LGSN: variants seen among roughly 807,000 people sequenced by gnomAD.
The protein encoded by LGSN is lengsin, lens protein with glutamine synthetase domain, also known as lengsin.
A neutral mutation model predicts 19.5 loss-of-function variants in LGSN; 21 were observed. That is an observed-to-expected ratio of 1.07 (90% CI 0.76 to 1.55). LGSN has a LOEUF of 1.55. Among genes scored for constraint, LGSN ranks in the 40% most tolerant of loss-of-function variants. The pLI, the probability that LGSN is intolerant of heterozygous loss-of-function variation, is 0.00. For synonymous variants in LGSN, 257 were observed against 215.6 expected (o/e 1.19, Z -1.68); for missense variants, 673 against 608.5 (o/e 1.11, Z -1.12).
At chr6:63,295,661 G>T (rs937734510) in intron 1 of LGSN, among the ~76,000 whole-genome samples, 14 of 152,104 alleles carry the variant, frequency 9.2e-5, no homozygotes, top group African/African-American at 3.4e-4. Context: ...CTAAGGAAAT[G>T]CATTCAAAAC....
intron 1 of LGSN, among the ~76,000 whole-genome samples, chr6:63,297,836 A>C (rs1445726097): frequency 1.3e-5 from 2 of 152,248 alleles, no homozygotes; most frequent in Non-Finnish European, 2.9e-5. Context: ...ATTTCTAAGC[A>C]GACTAGAAAC....
the LGSN span, among the ~76,000 whole-genome samples, chr6:63,413,116 A>G: frequency 8.5e-5 from 13 of 152,132 alleles, no homozygotes; most frequent in Non-Finnish European, 1.8e-4. Flanking sequence ...TCTGAATTAA[A>G]CTACCAGTGT....
chr6:63,325,734 C>A, the LGSN span, among the ~76,000 whole-genome samples: 5 of 152,090 alleles, frequency 3.3e-5, no homozygotes, highest in East Asian at 7.7e-4. Flanking sequence ...TTCGGAGTTT[C>A]TTCCTTCTGG....
chr6:63,454,936 GCA>G, the LGSN span, among the ~76,000 whole-genome samples: 2 of 151,652 alleles, frequency 1.3e-5, no homozygotes, highest in Non-Finnish European at 2.9e-5. Flanking sequence ...GGGATTACAG[GCA>G]CCTGCCACCA....
At chr6:63,447,544 T>C in the LGSN span, among the ~76,000 whole-genome samples, 1 of 152,164 alleles carries the variant, frequency 6.6e-6, no homozygotes, top group Non-Finnish European at 1.5e-5. Context: ...AGATGAAAAG[T>C]TATGTCTAGC....
the LGSN span, among the ~76,000 whole-genome samples, chr6:63,494,359 A>G: frequency 6.6e-6 from 1 of 152,174 alleles, no homozygotes; most frequent in Non-Finnish European, 1.5e-5. Context: ...TATAAAATAT[A>G]TAAGCAGAAT....
intron 1 of LGSN, among the ~76,000 whole-genome samples, chr6:63,297,934 C>T (rs974565824): frequency 6.6e-6 from 1 of 152,146 alleles, no homozygotes; most frequent in African/African-American, 2.4e-5. Context: ...TATCTCATTC[C>T]CATCTTCTGT....
chr6:63,476,703 C>G, the LGSN span, among the ~76,000 whole-genome samples: 1 of 152,184 alleles, frequency 6.6e-6, no homozygotes, highest in South Asian at 2.1e-4. Context: ...AGGAAGCAAA[C>G]ATTCTAAGAG....
chr6:63,307,942 T>C (rs901520250), intron 1 of LGSN, among the ~76,000 whole-genome samples: 1 of 152,194 alleles, frequency 6.6e-6, no homozygotes, highest in South Asian at 2.1e-4. Context: ...GTGATCCAAA[T>C]AGCCTGGCTT....
the LGSN span, chr6:63,480,199 G>C: frequency 1.5e-4 from 34 of 221,562 alleles, no homozygotes; most frequent in Middle Eastern, 5.5e-3. Flanking sequence ...TGGCTGACCA[G>C]AGCTGCAACA....
At chr6:63,485,080 G>A in the LGSN span, among the ~76,000 whole-genome samples, 1 of 151,100 alleles carries the variant, frequency 6.6e-6, no homozygotes, top group Non-Finnish European at 1.5e-5. Flanking sequence ...ATGCAGGTTT[G>A]TTACATAGGT....
chr6:63,488,828 A>T, the LGSN span, among the ~76,000 whole-genome samples: 4 of 152,072 alleles, frequency 2.6e-5, no homozygotes, highest in African/African-American at 7.2e-5. Flanking sequence ...AGAGAAGAAT[A>T]AAATAAAGTT....
At chr6:63,385,463 GC>G in the LGSN span, among the ~76,000 whole-genome samples, 2 of 152,142 alleles carry the variant, frequency 1.3e-5, no homozygotes, top group South Asian at 2.1e-4. Context: ...ATAAATTATA[GC>G]CAAAATCATC....
chr6:63,356,706 T>A, the LGSN span, among the ~76,000 whole-genome samples: 1 of 152,140 alleles, frequency 6.6e-6, no homozygotes, highest in Non-Finnish European at 1.5e-5. Flanking sequence ...TGCATATACC[T>A]AGGAGAAGAG....
chr6:63,432,125 G>GA, the LGSN span, among the ~76,000 whole-genome samples: 1 of 98,644 alleles, frequency 1.0e-5, no homozygotes, highest in African/African-American at 4.1e-5. Flanking sequence ...AAGAAAGAAA[G>GA]AAAGAAAGAA....
At chr6:63,286,212 C>T (rs1767531270) in intron 2 of LGSN, among the ~76,000 whole-genome samples, 1 of 152,026 alleles carries the variant, frequency 6.6e-6, no homozygotes, top group Non-Finnish European at 1.5e-5. Flanking sequence ...GTTTTATTTT[C>T]AGGGGTTTTG....
Position 63,276,710 on chromosome 6 carries a change from C to T in LGSN, c.*3311G>A, listed in dbSNP as rs761569374. The T allele has an allele frequency of 6.6e-6, 1 of 152,142 alleles. No homozygotes were observed. The highest frequency in any genetic ancestry group is 1.5e-5 in the Non-Finnish European group (1 of 68,032). 9.4% of individuals were successfully genotyped at this position (152,142 alleles called of 1,614,324 possible). A position where few individuals can be genotyped will look rare whatever the true frequency, so the allele number is the denominator to read the frequency against. On this transcript the variant is annotated 3_prime_UTR_variant, in exon 4 of 4. Coordinates refer to ENST00000370657, the MANE Select transcript of LGSN (RefSeq NM_016571.3). Reference sequence around the variant, plus strand: ...CTGCTCATCTTTGTTTTGGTCTCCCCTAGTATGATGGCTCCCAGCTGAAGG... The same window carrying T: ...CTGCTCATCTTTGTTTTGGTCTCCCTTAGTATGATGGCTCCCAGCTGAAGG...
the LGSN span, among the ~76,000 whole-genome samples, chr6:63,421,642 C>T: frequency 3.3e-5 from 5 of 151,750 alleles, no homozygotes; most frequent in East Asian, 1.9e-4. Context: ...GCAAGAGAAT[C>T]GCTTAAACCC....
chr6:63,426,119 G>A, the LGSN span, among the ~76,000 whole-genome samples: 1 of 152,082 alleles, frequency 6.6e-6, no homozygotes. Flanking sequence ...ACTTGAAAAG[G>A]TGGCAGTGCC....
Sources: allele counts gnomAD v4.1 joint callset (sites outside exome capture counted in the v4.1 genomes callset), GRCh38; gene constraint gnomAD v4.1.1; transcripts MANE v1.5; gene names NCBI Gene and HGNC (gene_info 2026-07-23, HGNC 2026-07-21).